The following CMTM7 variants were observed in gnomAD, a reference collection of about 807,000 sequenced individuals.
CMTM7 encodes the protein CKLF-like MARVEL transmembrane domain-containing protein 7.
Under a neutral mutation model 19.3 loss-of-function variants are expected in CMTM7, and 7 were observed. That is an observed-to-expected ratio of 0.36 (90% CI 0.21 to 0.68). The LOEUF is 0.68. Ranked by LOEUF, CMTM7 falls within the 30% of genes least tolerant of loss-of-function variation. The pLI, the probability that CMTM7 is intolerant of heterozygous loss-of-function variation, is 0.60. For synonymous variants in CMTM7, 87 were observed against 99.3 expected (o/e 0.88, Z 0.74); for missense variants, 193 against 232.6 (o/e 0.83, Z 1.11).
At chr3:32,448,134 C>T (rs78272606) in intron 2 of CMTM7, among the ~76,000 whole-genome samples, 8,837 of 152,186 alleles carry the variant, frequency 0.058, 289 homozygotes, top group Middle Eastern at 0.12. Flanking sequence ...ACAGACTCAG[C>T]CACACATTTT....
intron 1 of CMTM7, among the ~76,000 whole-genome samples, chr3:32,434,466 T>TA (rs1470416186): frequency 4.0e-5 from 6 of 150,308 alleles, no homozygotes; most frequent in African/African-American, 1.5e-4. Flanking sequence ...CTGGCCAATT[T>TA]TAAAAATTTT....
At chr3:32,422,892 G>A (rs998257926) in intron 1 of CMTM7, among the ~76,000 whole-genome samples, 2 of 152,156 alleles carry the variant, frequency 1.3e-5, no homozygotes, top group Non-Finnish European at 2.9e-5. Flanking sequence ...ATAAAGTGTT[G>A]AATAACCCAA....
intron 2 of CMTM7, among the ~76,000 whole-genome samples, chr3:32,447,767 G>A (rs1013590813): frequency 1.3e-5 from 2 of 152,014 alleles, no homozygotes; most frequent in African/African-American, 4.8e-5. Flanking sequence ...TTTGGTTGTT[G>A]TTTGCGTGCC....
chr3:32,410,175 T>G (rs1696151320), intron 1 of CMTM7, among the ~76,000 whole-genome samples: 1 of 152,138 alleles, frequency 6.6e-6, no homozygotes, highest in South Asian at 2.1e-4. Context: ...CTATCCTGTT[T>G]CCCGGTTCTG....
At chr3:32,419,919 C>G (rs1559406926) in intron 1 of CMTM7, among the ~76,000 whole-genome samples, 2 of 152,134 alleles carry the variant, frequency 1.3e-5, no homozygotes, top group African/African-American at 4.8e-5. Context: ...GTCTCTCTTT[C>G]CTCTCTGTGT....
intron 1 of CMTM7, among the ~76,000 whole-genome samples, chr3:32,409,100 C>T (rs942147831): frequency 6.6e-6 from 1 of 152,004 alleles, no homozygotes; most frequent in African/African-American, 2.4e-5. Flanking sequence ...CCAGGATGGT[C>T]TCCATCTCTT....
chr3:32,438,942 C>G (rs1319290876), intron 1 of CMTM7, among the ~76,000 whole-genome samples: 2 of 152,188 alleles, frequency 1.3e-5, no homozygotes, highest in Admixed American at 1.3e-4. Flanking sequence ...TGCCTCTCTA[C>G]CTAGGAATCA....
chr3:32,440,426 T>C (rs948535889), intron 1 of CMTM7, among the ~76,000 whole-genome samples: 7 of 151,358 alleles, frequency 4.6e-5, no homozygotes, highest in African/African-American at 1.7e-4. Flanking sequence ...GAATCACTCC[T>C]CCATAGGAGA....
chr3:32,391,893 G>T lies in CMTM7; in HGVS notation c.-14G>T, dbSNP rs1434583771. ...AGCTGCCCGGGGAGGCGGCCAGCGA[G>T]CTGGGGCCGCGCAATGTCGCACGGA... On this transcript the variant is annotated 5_prime_UTR_variant, in exon 1 of 5. Coordinates refer to ENST00000334983, the MANE Select transcript of CMTM7 (RefSeq NM_138410.4). 46 of 1,214,856 alleles carry T rather than the reference G, an allele frequency of 3.8e-5. No homozygotes were observed. Among genetic ancestry groups the T allele is most frequent in the Middle Eastern group, 3.2e-4 (1 of 3,136 alleles). The allele number at this position is 1,214,856 out of a possible 1,614,324, so 75.3% of individuals were successfully genotyped here. A position where few individuals can be genotyped will look rare whatever the true frequency, so the allele number is the denominator to read the frequency against.
At chr3:32,440,084 C>T (rs895688695) in intron 1 of CMTM7, among the ~76,000 whole-genome samples, 2 of 37,580 alleles carry the variant, frequency 5.3e-5, no homozygotes, top group East Asian at 9.8e-4. Context: ...CACACACACA[C>T]ACACACACAC....
At chr3:32,400,717 A>C (rs1240543460) in intron 1 of CMTM7, among the ~76,000 whole-genome samples, 1 of 152,022 alleles carries the variant, frequency 6.6e-6, no homozygotes, top group Non-Finnish European at 1.5e-5. Context: ...CTGTTTGTTT[A>C]GTATGTGGTG....
chr3:32,440,423 T>C (rs342733), intron 1 of CMTM7, among the ~76,000 whole-genome samples: 91,284 of 151,482 alleles, frequency 0.6, 28,008 homozygotes, highest in Non-Finnish European at 0.66. Context: ...AAAGAATCAC[T>C]CCTCCATAGG....
At chr3:32,438,677 C>T (rs1359687118) in intron 1 of CMTM7, among the ~76,000 whole-genome samples, 1 of 152,134 alleles carries the variant, frequency 6.6e-6, no homozygotes, top group Admixed American at 6.5e-5. Context: ...CCCAGTGAAC[C>T]GAATTCAGAA....
At chr3:32,439,054 TC>T (rs1696640224) in intron 1 of CMTM7, among the ~76,000 whole-genome samples, 1 of 152,136 alleles carries the variant, frequency 6.6e-6, no homozygotes, top group Non-Finnish European at 1.5e-5. Flanking sequence ...CCCCTAGACT[TC>T]CCCATGTAGA....
At chr3:32,414,399 T>C (rs1696227866) in intron 1 of CMTM7, among the ~76,000 whole-genome samples, 1 of 152,224 alleles carries the variant, frequency 6.6e-6, no homozygotes. Context: ...TTACTAAGGC[T>C]CCTTTTATTG....
At chr3:32,452,044 C>A (rs1482189009) in intron 3 of CMTM7, 16 of 1,321,282 alleles carry the variant, frequency 1.2e-5, no homozygotes, top group Non-Finnish European at 1.4e-5. Context: ...AAATTTCATC[C>A]TTTTCTTCTC....
chr3:32,405,628 G>A (rs56880912), intron 1 of CMTM7, among the ~76,000 whole-genome samples: 27,101 of 152,080 alleles, frequency 0.18, 2,733 homozygotes, highest in Non-Finnish European at 0.23. Context: ...GGTGGCTCGC[G>A]CCTGTGGGCC....
At chr3:32,424,528 G>A (rs1241386335) in intron 1 of CMTM7, among the ~76,000 whole-genome samples, 1 of 152,130 alleles carries the variant, frequency 6.6e-6, no homozygotes, top group African/African-American at 2.4e-5. Flanking sequence ...AGTGTTGGGT[G>A]TTCTTTTATA....
At chr3:32,411,721 G>T (rs1378949323) in intron 1 of CMTM7, among the ~76,000 whole-genome samples, 1 of 152,208 alleles carries the variant, frequency 6.6e-6, no homozygotes, top group Non-Finnish European at 1.5e-5. Flanking sequence ...ATGCTGGTGT[G>T]TCTGACCTTG....
Sources: gnomAD v4.1 joint callset for allele counts (sites outside exome capture counted in the v4.1 genomes callset) on GRCh38, gnomAD v4.1.1 for gene constraint, MANE v1.5 for transcripts, NCBI Gene and HGNC (gene_info 2026-07-23, HGNC 2026-07-21) for gene names.